CIMAP1D: variants seen among roughly 807,000 people sequenced by gnomAD.
CIMAP1D encodes CIMAP1 family member D.
chr19:463,865 C>T, the CIMAP1D span: 2 of 1,609,758 alleles, frequency 1.2e-6, no homozygotes, highest in Middle Eastern at 1.9e-4. Context: ...GGCCGGGCAG[C>T]CTGTGCCCCG....
chr19:486,372 G>A, the CIMAP1D span, among the ~76,000 whole-genome samples: 2 of 152,054 alleles, frequency 1.3e-5, no homozygotes, highest in Non-Finnish European at 2.9e-5. Context: ...TCCCCCTCCA[G>A]GAAGGCCTTG....
At chr19:471,016 G>C in the CIMAP1D span, among the ~76,000 whole-genome samples, 3 of 152,280 alleles carry the variant, frequency 2.0e-5, no homozygotes, top group Admixed American at 6.5e-5. Context: ...TGTGAGACGG[G>C]CCAGGCCCGG....
At chr19:480,168 C>T in the CIMAP1D span, among the ~76,000 whole-genome samples, 1 of 152,258 alleles carries the variant, frequency 6.6e-6, no homozygotes, top group African/African-American at 2.4e-5. Flanking sequence ...CGCACAGAGG[C>T]CCTGGGGCAG....
the CIMAP1D span, among the ~76,000 whole-genome samples, chr19:467,057 ATGGG>A: frequency 0.2 from 8,661 of 43,286 alleles, 1,343 homozygotes; most frequent in Non-Finnish European, 0.22. Flanking sequence ...GGATAGATGG[ATGGG>A]TGGGTGGGTG....
the CIMAP1D span, among the ~76,000 whole-genome samples, chr19:477,084 G>A: frequency 6.6e-6 from 1 of 152,164 alleles, no homozygotes; most frequent in Non-Finnish European, 1.5e-5. Flanking sequence ...GTGTGTGCCT[G>A]TAATCCCAGC....
At chr19:470,754 G>A in the CIMAP1D span, among the ~76,000 whole-genome samples, 5 of 152,238 alleles carry the variant, frequency 3.3e-5, no homozygotes, top group Non-Finnish European at 5.9e-5. Context: ...TTGGAGCAGC[G>A]GTAGAAAATG....
the CIMAP1D span, among the ~76,000 whole-genome samples, chr19:469,460 C>T: frequency 7.9e-5 from 12 of 152,044 alleles, no homozygotes; most frequent in Admixed American, 7.9e-4. Flanking sequence ...GAGGCTGAGG[C>T]GGGTGGATCA....
At chr19:465,335 G>A in the CIMAP1D span, among the ~76,000 whole-genome samples, 2 of 150,912 alleles carry the variant, frequency 1.3e-5, no homozygotes, top group Non-Finnish European at 3.0e-5. Context: ...GGATGGATGA[G>A]TGAGTGGATG....
At chr19:491,598 G>A in the CIMAP1D span, among the ~76,000 whole-genome samples, 3 of 151,912 alleles carry the variant, frequency 2.0e-5, no homozygotes, top group East Asian at 5.8e-4. Flanking sequence ...CAGGGCCCCA[G>A]GCCTCGCCGC....
At chr19:485,752 G>A in the CIMAP1D span, among the ~76,000 whole-genome samples, 1 of 152,218 alleles carries the variant, frequency 6.6e-6, no homozygotes, top group African/African-American at 2.4e-5. Context: ...AGGAGGCCGG[G>A]TTCCTCCGAT....
chr19:465,917 T>G, the CIMAP1D span, among the ~76,000 whole-genome samples: 1 of 130,634 alleles, frequency 7.7e-6, no homozygotes, highest in Admixed American at 7.7e-5. Flanking sequence ...GATAGATGGA[T>G]GAGTGGATGG....
chr19:475,986 A>ATTTTTTTTTT, the CIMAP1D span, among the ~76,000 whole-genome samples: 1 of 39,274 alleles, frequency 2.5e-5, no homozygotes, highest in Non-Finnish European at 3.9e-5. Context: ...CGCCTGGCTA[A>ATTTTTTTTTT]TTTTTTTTTT....
At chr19:468,289 C>T in the CIMAP1D span, among the ~76,000 whole-genome samples, 2 of 152,056 alleles carry the variant, frequency 1.3e-5, no homozygotes, top group Non-Finnish European at 2.9e-5. Flanking sequence ...TCACTTGAGC[C>T]TGGGAGGTTG....
At chr19:480,368 TGGGAGAGCAAAACGTGGGCGGTGCC>T in the CIMAP1D span, among the ~76,000 whole-genome samples, 1 of 152,126 alleles carries the variant, frequency 6.6e-6, no homozygotes, top group African/African-American at 2.4e-5. Flanking sequence ...TGGTGACATC[TGGGAGAGCAAAACGTGGGCGGTGCC>T]GGGAGAGGGC....
chr19:487,351 G>A, the CIMAP1D span, among the ~76,000 whole-genome samples: 13 of 152,142 alleles, frequency 8.5e-5, no homozygotes, highest in Non-Finnish European at 1.8e-4. Context: ...GCACCACTTC[G>A]GTATTATGCC....
chr19:467,568 G>T, the CIMAP1D span: 2 of 890,764 alleles, frequency 2.2e-6, no homozygotes, highest in Admixed American at 1.7e-5. Context: ...AAGGATAAGA[G>T]GGGGAGGGAG....
chr19:463,793 C>T, the CIMAP1D span: 1 of 1,497,620 alleles, frequency 6.7e-7, no homozygotes. Flanking sequence ...AAGCCAGGCC[C>T]CAGGAGAGGC....
At chr19:485,008 G>C in the CIMAP1D span, among the ~76,000 whole-genome samples, 1 of 152,100 alleles carries the variant, frequency 6.6e-6, no homozygotes, top group African/African-American at 2.4e-5. Flanking sequence ...CTGTGGGATG[G>C]TCAGGAGTGG....
chr19:480,086 G>A, the CIMAP1D span, among the ~76,000 whole-genome samples: 2 of 152,240 alleles, frequency 1.3e-5, no homozygotes, highest in Admixed American at 6.5e-5. Flanking sequence ...AGAAGGTCAC[G>A]CTCCAGCAGA....
Sources: allele counts gnomAD v4.1 joint callset (sites outside exome capture counted in the v4.1 genomes callset), GRCh38; gene constraint gnomAD v4.1.1; transcripts MANE v1.5; gene names NCBI Gene and HGNC (gene_info 2026-07-23, HGNC 2026-07-21).